COL19A1: variants seen among roughly 807,000 people sequenced by gnomAD.
The protein encoded by COL19A1 is collagen alpha-1(XIX) chain.
In COL19A1, 159 loss-of-function variants were observed where a neutral mutation model predicts 190.2. The observed-to-expected ratio is 0.84, with a 90% CI of 0.73 to 0.95. The LOEUF (loss-of-function observed/expected upper bound fraction) is 0.95. Ranked by LOEUF, COL19A1 falls within the 40% of genes least tolerant of loss-of-function variation. COL19A1 has a pLI of 0.00. For synonymous variants in COL19A1, 509 were observed against 458.9 expected (o/e 1.11, Z -1.39); for missense variants, 1,418 against 1,431.9 (o/e 0.99, Z 0.16).
chr6:69,899,027 G>T lies in COL19A1; in HGVS notation c.166+5G>T, dbSNP rs1769980811. 1 of 1,586,110 alleles carries T rather than the reference G, an allele frequency of 6.3e-7. No homozygotes were observed. Among genetic ancestry groups the T allele is most frequent in the African/African-American group, 1.3e-5 (1 of 74,272 alleles). ...TAAACAAACTTGAAGTTTCAGGTAGGCAATATAATCCTTTGCAAAGTAATA... is the reference window on the plus strand; with the variant it reads ...TAAACAAACTTGAAGTTTCAGGTAGTCAATATAATCCTTTGCAAAGTAATA... On this transcript the variant is annotated splice_donor_5th_base_variant and intron_variant, in intron 3 of 50. Transcript: ENST00000620364.
intron 16 of COL19A1, among the ~76,000 whole-genome samples, chr6:70,119,346 G>C (rs986601530): frequency 1.3e-5 from 2 of 152,118 alleles, no homozygotes; most frequent in Non-Finnish European, 2.9e-5. Context: ...TCAACTACAC[G>C]GTATGACTAC....
chr6:69,955,224 G>A (rs1348522400), intron 9 of COL19A1, among the ~76,000 whole-genome samples: 1 of 152,062 alleles, frequency 6.6e-6, no homozygotes, highest in Non-Finnish European at 1.5e-5. Context: ...ATTTTGTAGT[G>A]GGTTCTACAA....
chr6:70,003,012 G>A (rs1174492344), intron 11 of COL19A1, among the ~76,000 whole-genome samples: 1 of 151,970 alleles, frequency 6.6e-6, no homozygotes, highest in Admixed American at 6.6e-5. Context: ...TGTCTTATGT[G>A]AGCATTAGGT....
At chr6:70,074,885 A>T (rs1781793943) in intron 15 of COL19A1, among the ~76,000 whole-genome samples, 1 of 147,350 alleles carries the variant, frequency 6.8e-6, no homozygotes, top group Non-Finnish European at 1.5e-5. Context: ...AGGAATTTGT[A>T]TTACTAGCAA....
intron 48 of COL19A1, among the ~76,000 whole-genome samples, chr6:70,191,346 CTTA>C: frequency 6.6e-6 from 1 of 152,118 alleles, no homozygotes; most frequent in Non-Finnish European, 1.5e-5. Flanking sequence ...TATGTTTCCT[CTTA>C]TTAATTTCAA....
intron 11 of COL19A1, among the ~76,000 whole-genome samples, chr6:70,018,480 C>G (rs1162009463): frequency 6.6e-6 from 1 of 152,050 alleles, no homozygotes; most frequent in Non-Finnish European, 1.5e-5. Flanking sequence ...TTAGCTCCAT[C>G]AGAAAGCTAG....
chr6:70,010,479 G>C (rs1230553913), intron 11 of COL19A1, among the ~76,000 whole-genome samples: 1 of 143,200 alleles, frequency 7.0e-6, no homozygotes, highest in Non-Finnish European at 1.5e-5. Context: ...GTGCCAGAGA[G>C]TTGGCGCAGG....
chr6:69,891,064 C>T (rs1769312567), intron 2 of COL19A1: 10 of 331,050 alleles, frequency 3.0e-5, no homozygotes, highest in South Asian at 1.7e-4. Flanking sequence ...AGTTTGATGG[C>T]CTGAAGGCAA....
intron 17 of COL19A1, among the ~76,000 whole-genome samples, chr6:70,124,037 A>T (rs2150214944): frequency 6.6e-6 from 1 of 152,212 alleles, no homozygotes; most frequent in Admixed American, 6.5e-5. Context: ...CCATAAAAAG[A>T]ATGAAATCCT....
rs1326762244 is a variant in COL19A1, at chr6:70,211,267, C to T, written c.*3993C>T. On this transcript the variant is annotated 3_prime_UTR_variant, in exon 51 of 51. Transcript: ENST00000620364. ...TTTTATTTTCATAACACTAATAATA[C>T]ACTGGGATTGAGAATTTCTGTTAAG... is the stretch of plus-strand genomic sequence containing the variant. Among the ~76,000 whole-genome samples, 1 of 151,934 alleles carries T rather than the reference C, an allele frequency of 6.6e-6. No homozygotes were observed. The highest frequency in any genetic ancestry group is 1.5e-5 in the Non-Finnish European group (1 of 67,960).
Position 70,212,206 on chromosome 6 carries a change from T to C in COL19A1, c.*4932T>C, listed in dbSNP as rs565967692. 1.2e-4 allele frequency among the ~76,000 whole-genome samples: 19 copies of C among 152,288 alleles called. No homozygotes were observed. The South Asian group carries it at 2.7e-3, about 22-fold the overall frequency. ...GCACATTAATGTCTTTAAATTCAGG[T>C]TGTATTGGGTGTATTTTACAACTAT... On this transcript the variant is annotated 3_prime_UTR_variant, in exon 51 of 51. Coordinates refer to ENST00000620364, the MANE Select transcript of COL19A1 (RefSeq NM_001858.6).
At chr6:69,928,855 C>A (rs1772565926) in intron 5 of COL19A1, among the ~76,000 whole-genome samples, 1 of 152,170 alleles carries the variant, frequency 6.6e-6, no homozygotes, top group Admixed American at 6.5e-5. Context: ...TAAATCATCA[C>A]TGATCTTTTA....
chr6:70,045,569 T>C (rs1299330930), intron 14 of COL19A1, among the ~76,000 whole-genome samples: 1 of 152,206 alleles, frequency 6.6e-6, no homozygotes, highest in Non-Finnish European at 1.5e-5. Flanking sequence ...TAGCAAACTC[T>C]GTTTCTCCTA....
At chr6:69,953,783 CT>C (rs1774260918) in intron 9 of COL19A1, among the ~76,000 whole-genome samples, 1 of 151,932 alleles carries the variant, frequency 6.6e-6, no homozygotes, top group Admixed American at 6.6e-5. Context: ...GCTAATGTTC[CT>C]GTTTGGTTTA....
At chr6:70,046,324 G>A (rs1582771436) in intron 14 of COL19A1, among the ~76,000 whole-genome samples, 1 of 152,196 alleles carries the variant, frequency 6.6e-6, no homozygotes, top group South Asian at 2.1e-4. Context: ...AAGCCAGAAT[G>A]TTCCTTGTCA....
Position 70,163,407 on chromosome 6 carries a change from A to T in COL19A1, c.2400+11A>T, listed in dbSNP as rs1469106788. On this transcript the variant is annotated intron_variant, in intron 36 of 50. Transcript: ENST00000620364. Reference sequence around the variant, plus strand: ...GCAAAAGGTGAAAAGGTACAAAGGAAAAGCCTCACTTACCATCCAAACTGG... The same window carrying T: ...GCAAAAGGTGAAAAGGTACAAAGGATAAGCCTCACTTACCATCCAAACTGG... 1 of 1,609,430 alleles carries T rather than the reference A, an allele frequency of 6.2e-7. No individual in the cohort carries two copies. The highest frequency in any genetic ancestry group is 2.3e-5 in the East Asian group (1 of 44,266).
chr6:70,063,896 C>T (rs768865881), intron 14 of COL19A1, among the ~76,000 whole-genome samples: 4 of 152,036 alleles, frequency 2.6e-5, no homozygotes, highest in Non-Finnish European at 4.4e-5. Context: ...ATAAACTCCT[C>T]GACACATACA....
At chr6:70,172,455 TAGG>T in intron 41 of COL19A1, among the ~76,000 whole-genome samples, 1 of 151,936 alleles carries the variant, frequency 6.6e-6, no homozygotes, top group African/African-American at 2.4e-5. Flanking sequence ...GAGATAGTCG[TAGG>T]AGATGAGGTC....
At chr6:69,997,088 A>G (rs940282415) in intron 11 of COL19A1, among the ~76,000 whole-genome samples, 6 of 151,908 alleles carry the variant, frequency 3.9e-5, no homozygotes, top group Admixed American at 1.3e-4. Context: ...TAGAAAAAGG[A>G]GAAGGATCAC....
Sources: gnomAD v4.1 joint callset for allele counts (sites outside exome capture counted in the v4.1 genomes callset) on GRCh38, gnomAD v4.1.1 for gene constraint, MANE v1.5 for transcripts, NCBI Gene and HGNC (gene_info 2026-07-23, HGNC 2026-07-21) for gene names.